The following CARF variants were observed in gnomAD, a reference collection of about 807,000 sequenced individuals.
The protein encoded by CARF is calcium responsive transcription factor.
CARF carries 57 observed loss-of-function variants against 82.0 expected under a neutral mutation model. The observed-to-expected ratio is 0.70, with a 90% confidence interval of 0.56 to 0.87. CARF has a LOEUF of 0.87. CARF is among the 40% of genes least tolerant of loss of function. The pLI is 0.00. For missense variants in CARF, 771 were observed against 855.8 expected, an observed-to-expected ratio of 0.90 and a Z score of 1.24; for synonymous variants, 268 against 290.1, an observed-to-expected ratio of 0.92 and a Z score of 0.77.
At chr2:202,920,349 G>T (rs1254907499) in intron 2 of CARF, among the ~76,000 whole-genome samples, 1 of 151,984 alleles carries the variant, frequency 6.6e-6, no homozygotes, top group East Asian at 1.9e-4. Flanking sequence ...TAGAGATGGG[G>T]TTTCACCATG....
chr2:202,959,055 A>T (rs959168215), intron 8 of CARF, among the ~76,000 whole-genome samples: 1 of 152,074 alleles, frequency 6.6e-6, no homozygotes. Context: ...ACTAAAGTGT[A>T]TTAACTGGAC....
intron 14 of CARF, among the ~76,000 whole-genome samples, chr2:202,977,970 C>G (rs1446379285): frequency 1.3e-5 from 2 of 152,040 alleles, no homozygotes; most frequent in Non-Finnish European, 2.9e-5. Flanking sequence ...CTCAGCCTCC[C>G]GAGTAGCTGG....
intron 1 of CARF, among the ~76,000 whole-genome samples, chr2:202,915,184 T>C (rs1418136760): frequency 6.6e-6 from 1 of 151,112 alleles, no homozygotes; most frequent in Non-Finnish European, 1.5e-5. Flanking sequence ...GCCCGGCTAA[T>C]TTTTTGTATT....
intron 6 of CARF, among the ~76,000 whole-genome samples, chr2:202,953,181 A>G (rs1347211019): frequency 6.6e-6 from 1 of 151,794 alleles, no homozygotes; most frequent in African/African-American, 2.4e-5. Context: ...AACCATGCCT[A>G]ATTTTTATAT....
intron 3 of CARF, 109 bp from the exon 4 acceptor site, chr2:202,941,751 C>T: frequency 1.6e-5 from 8 of 505,272 alleles, no homozygotes; most frequent in East Asian, 3.3e-5. Context: ...TTGATTTTAC[C>T]TAAATTATAT....
At chr2:202,937,711 G>A (rs186156340) in intron 3 of CARF, among the ~76,000 whole-genome samples, 42 of 151,864 alleles carry the variant, frequency 2.8e-4, no homozygotes, top group African/African-American at 9.4e-4. Flanking sequence ...TACAACCTGC[G>A]TCTCTTGGGT....
At chr2:202,970,716 T>TA (rs1158087750) in intron 11 of CARF, among the ~76,000 whole-genome samples, 3 of 152,166 alleles carry the variant, frequency 2.0e-5, no homozygotes, top group Non-Finnish European at 4.4e-5. Flanking sequence ...AAAATATCAC[T>TA]AAAAAAATTA....
At chr2:202,947,251 A>G (rs1261682588) in intron 5 of CARF, among the ~76,000 whole-genome samples, 1 of 152,214 alleles carries the variant, frequency 6.6e-6, no homozygotes, top group Non-Finnish European at 1.5e-5. Context: ...GATAGACTGG[A>G]TAAAGAAAAT....
At chr2:202,954,296 G>A (rs1031186753) in intron 7 of CARF, among the ~76,000 whole-genome samples, 162 bp downstream of exon 7, 1 of 152,096 alleles carries the variant, frequency 6.6e-6, no homozygotes, top group African/African-American at 2.4e-5. Flanking sequence ...GTCATAAGGC[G>A]GCTATTCTGG....
chr2:202,933,540 G>A (rs1454591017), intron 3 of CARF, among the ~76,000 whole-genome samples: 1 of 152,182 alleles, frequency 6.6e-6, no homozygotes, highest in Non-Finnish European at 1.5e-5. Context: ...CCTTGCTGCA[G>A]GGAGTTCTTC....
chr2:202,934,980 G>A (rs1391530764), intron 3 of CARF, among the ~76,000 whole-genome samples: 2 of 150,632 alleles, frequency 1.3e-5, no homozygotes, highest in African/African-American at 2.4e-5. Context: ...GGGAAGCTGA[G>A]GTGGGAGAAT....
intron 3 of CARF, chr2:202,925,429 G>T: frequency 3.3e-6 from 1 of 304,356 alleles, no homozygotes; most frequent in Non-Finnish European, 6.5e-6. Flanking sequence ...CGAGGTCCGT[G>T]CCCAGTATGA....
At chr2:202,918,237 A>G (rs2105940141) in intron 2 of CARF, among the ~76,000 whole-genome samples, 194 bp downstream of exon 2, 1 of 152,172 alleles carries the variant, frequency 6.6e-6, no homozygotes, top group South Asian at 2.1e-4. Flanking sequence ...TTACTTTGAC[A>G]GGGCCAGGCG....
intron 3 of CARF, chr2:202,938,531 A>G (rs533372562): frequency 1.3e-5 from 2 of 150,352 alleles, no homozygotes; most frequent in Non-Finnish European, 2.9e-5. Flanking sequence ...TCGGCCTCCA[A>G]AAGTGTTGGG....
chr2:202,968,813 T>C (rs2105905925), intron 10 of CARF, among the ~76,000 whole-genome samples: 1 of 152,288 alleles, frequency 6.6e-6, no homozygotes, highest in East Asian at 1.9e-4. Context: ...AACATGATAG[T>C]ATAGAATATA....
chr2:202,977,071 T>C (rs2060064329), intron 13 of CARF, among the ~76,000 whole-genome samples, 198 bp from the exon 14 acceptor site: 1 of 152,252 alleles, frequency 6.6e-6, no homozygotes, highest in African/African-American at 2.4e-5. Context: ...GTTGTCTAAA[T>C]CCTTGCTATC....
intron 3 of CARF, among the ~76,000 whole-genome samples, chr2:202,932,378 G>A (rs1693097712): frequency 6.6e-6 from 1 of 152,098 alleles, no homozygotes; most frequent in African/African-American, 2.4e-5. Flanking sequence ...GCTAGGGTCT[G>A]TGACTCTCAG....
At chr2:202,961,476 A>G (rs770346831) in intron 9 of CARF, 50 bp downstream of exon 9, 16 of 1,513,080 alleles carry the variant, frequency 1.1e-5, no homozygotes, top group Non-Finnish European at 1.4e-5. Flanking sequence ...GCCATAGTCC[A>G]TTGTCAAAAT....
intron 8 of CARF, among the ~76,000 whole-genome samples, 177 bp from the exon 9 acceptor site, chr2:202,961,060 A>G (rs1167360276): frequency 6.6e-6 from 1 of 152,326 alleles, no homozygotes; most frequent in East Asian, 1.9e-4. Context: ...TCCCTAACAA[A>G]CACCTGGTTG....
Sources: gnomAD v4.1 joint callset for allele counts (sites outside exome capture counted in the v4.1 genomes callset) on GRCh38, gnomAD v4.1.1 for gene constraint, MANE v1.5 for transcripts, NCBI Gene and HGNC (gene_info 2026-07-23, HGNC 2026-07-21) for gene names.